The following SLIT2 variants were observed in gnomAD, a reference collection of about 807,000 sequenced individuals.
The protein encoded by SLIT2 is slit guidance ligand 2.
A neutral mutation model predicts 185.7 loss-of-function variants in SLIT2; 41 were observed. The ratio of observed to expected loss-of-function variants is 0.22; its 90% CI spans 0.17 to 0.29. The LOEUF (loss-of-function observed/expected upper bound fraction) is 0.29. Ranked by LOEUF, SLIT2 falls within the 10% of genes least tolerant of loss-of-function variation. The pLI is 1.00. For synonymous variants in SLIT2, 693 were observed against 680.2 expected (o/e 1.02, Z -0.29); for missense variants, 1,571 against 1,909.0 (o/e 0.82, Z 3.30).
chr4:20,392,526 TA>T (rs1725506025), intron 4 of SLIT2, among the ~76,000 whole-genome samples: 1 of 152,152 alleles, frequency 6.6e-6, no homozygotes, highest in Non-Finnish European at 1.5e-5. Context: ...TTTTCTGCAA[TA>T]ATAAATTAAC....
chr4:20,367,768 G>A (rs1304109586), intron 4 of SLIT2, among the ~76,000 whole-genome samples: 6 of 152,056 alleles, frequency 3.9e-5, no homozygotes, highest in Admixed American at 6.6e-5. Context: ...AGGAGAGAAT[G>A]GGCTTTGAGG....
At chr4:20,417,214 A>G (rs2109449226) in intron 4 of SLIT2, among the ~76,000 whole-genome samples, 1 of 151,754 alleles carries the variant, frequency 6.6e-6, no homozygotes, top group South Asian at 2.1e-4. Context: ...ACTCATCCTA[A>G]TCCCCTTATT....
chr4:20,457,116 T>C (rs1182500904), intron 4 of SLIT2, among the ~76,000 whole-genome samples: 2 of 152,038 alleles, frequency 1.3e-5, no homozygotes, highest in African/African-American at 4.8e-5. Context: ...TGTCCATAAG[T>C]ATAATACCAA....
intron 4 of SLIT2, among the ~76,000 whole-genome samples, chr4:20,380,104 A>G (rs1380774551): frequency 3.3e-5 from 5 of 152,162 alleles, no homozygotes; most frequent in African/African-American, 4.8e-5. Flanking sequence ...GAGTTCATGC[A>G]GGAAGAGAAT....
intron 4 of SLIT2, among the ~76,000 whole-genome samples, chr4:20,274,863 C>G (rs1714006683): frequency 6.6e-6 from 1 of 151,762 alleles, no homozygotes; most frequent in Non-Finnish European, 1.5e-5. Flanking sequence ...ATACTATGAT[C>G]AATGCTCAGA....
chr4:20,455,325 A>G lies in SLIT2; in HGVS notation c.396-12427A>G, dbSNP rs552692654. The stretch of plus-strand genomic sequence containing the variant: ...GTCTAGAGGTGAACCAGAACAGACA[A>G]GACTTCTAAGAGAAGTGTGGTATCT... On this transcript the variant is annotated intron_variant, in intron 4 of 36. Coordinates refer to ENST00000504154, the MANE Select transcript of SLIT2 (RefSeq NM_004787.4). 2.0e-5 allele frequency among the ~76,000 whole-genome samples: 3 copies of G among 152,270 alleles called. No homozygotes were observed. The East Asian group carries it at 5.8e-4, about 29-fold the overall frequency.
chr4:20,543,469 A>G (rs3775825), intron 21 of SLIT2, among the ~76,000 whole-genome samples: 67,877 of 152,066 alleles, frequency 0.45, 15,986 homozygotes, highest in East Asian at 0.68. Context: ...TCTGAATACA[A>G]TTGAGTCACT....
intron 3 of SLIT2, among the ~76,000 whole-genome samples, chr4:20,260,972 A>G (rs1712403360): frequency 6.6e-6 from 1 of 151,594 alleles, no homozygotes; most frequent in South Asian, 2.1e-4. Context: ...TTCTCTTACA[A>G]CATGAGATAA....
intron 9 of SLIT2, among the ~76,000 whole-genome samples, chr4:20,507,389 C>G (rs1257791137): frequency 6.6e-6 from 1 of 151,676 alleles, no homozygotes; most frequent in African/African-American, 2.4e-5. Flanking sequence ...TTTAAATTTT[C>G]CAGGGAAAAT....
At chr4:20,337,058 A>G (rs1290352775) in intron 4 of SLIT2, among the ~76,000 whole-genome samples, 2 of 152,210 alleles carry the variant, frequency 1.3e-5, no homozygotes, top group Admixed American at 6.5e-5. Flanking sequence ...GAATTCTTTT[A>G]GTAAACTACT....
chr4:20,372,386 A>C (rs1199515952), intron 4 of SLIT2, among the ~76,000 whole-genome samples: 1 of 152,084 alleles, frequency 6.6e-6, no homozygotes, highest in Non-Finnish European at 1.5e-5. Context: ...TTTTACAAAA[A>C]ACTAAAGTGA....
rs191765643 is a variant in SLIT2 at position 20,464,811 on chromosome 4, T to A, written c.396-2941T>A. 3.1e-3 allele frequency among the ~76,000 whole-genome samples: 469 copies of A among 152,310 alleles called. 2 individuals carry two copies. The highest frequency in any genetic ancestry group is 2.7e-3 in the Non-Finnish European group (185 of 68,022). ...ATAATCTTTTTTTTCTTATTCCAAG[T>A]GCTTTCTTGCTTTTTTTGACTGTCA... is the stretch of plus-strand genomic sequence containing the variant. On this transcript the variant is annotated intron_variant, in intron 4 of 36. Coordinates refer to ENST00000504154, the MANE Select transcript of SLIT2 (RefSeq NM_004787.4).
At chr4:20,326,090 A>G (rs1719562905) in intron 4 of SLIT2, among the ~76,000 whole-genome samples, 1 of 152,112 alleles carries the variant, frequency 6.6e-6, no homozygotes, top group Admixed American at 6.6e-5. Context: ...CCCTTAAAAA[A>G]TCTGTTTTGG....
intron 11 of SLIT2, among the ~76,000 whole-genome samples, chr4:20,518,413 T>C (rs1577838576): frequency 1.5e-5 from 2 of 135,100 alleles, no homozygotes; most frequent in Admixed American, 1.6e-4. Context: ...CCACCATGCC[T>C]GGCTAATTTT....
At position 20,604,478 on chromosome 4, in the gene SLIT2, T is replaced by G. The variant is rs181752752; in HGVS notation, c.3693-5535T>G. 2.9e-3 allele frequency among the ~76,000 whole-genome samples: 445 copies of G among 152,034 alleles called. 4 individuals carry two copies. Among genetic ancestry groups the G allele is most frequent in the African/African-American group, 0.01 (416 of 41,500 alleles). ...CATCCTCCTGCCTCAGCCTCCTGAG[T>G]AGCTGGGACTACAGGCGCTCACCCC... On this transcript the variant is annotated intron_variant, in intron 33 of 36. Transcript: ENST00000504154.
At position 20,613,472 on chromosome 4, in the gene SLIT2, A is replaced by G. The variant is rs143430382; in HGVS notation, c.3847+3305A>G. Among the ~76,000 whole-genome samples, 748 of 152,270 alleles carry G rather than the reference A, an allele frequency of 4.9e-3. 9 individuals are homozygous for G. The highest frequency in any genetic ancestry group is 0.017 in the African/African-American group (697 of 41,542). The stretch of plus-strand genomic sequence containing the variant: ...CCAAATGATGAGAACACATGGACAC[A>G]GAGAGGGGAACAACACACACTGGGG... On this transcript the variant is annotated intron_variant, in intron 34 of 36. Coordinates refer to ENST00000504154, the MANE Select transcript of SLIT2 (RefSeq NM_004787.4).
At chr4:20,430,467 G>A (rs1728888871) in intron 4 of SLIT2, among the ~76,000 whole-genome samples, 1 of 152,184 alleles carries the variant, frequency 6.6e-6, no homozygotes, top group Admixed American at 6.5e-5. Context: ...GGAAAAAAAT[G>A]TGTTTTTCCT....
At chr4:20,508,315 A>G (rs1719387014) in intron 9 of SLIT2, among the ~76,000 whole-genome samples, 1 of 152,050 alleles carries the variant, frequency 6.6e-6, no homozygotes. Context: ...AAATAAGGAA[A>G]GGATTTAAAA....
intron 29 of SLIT2, among the ~76,000 whole-genome samples, chr4:20,585,369 A>G (rs1255003810): frequency 1.3e-5 from 2 of 152,224 alleles, no homozygotes; most frequent in Admixed American, 1.3e-4. Flanking sequence ...AGGAAAATTA[A>G]TTTGCTCATC....
Sources: gnomAD v4.1 joint callset for allele counts (sites outside exome capture counted in the v4.1 genomes callset) on GRCh38, gnomAD v4.1.1 for gene constraint, MANE v1.5 for transcripts, NCBI Gene and HGNC (gene_info 2026-07-23, HGNC 2026-07-21) for gene names.